CSMD2: variants seen among roughly 807,000 people sequenced by gnomAD.
CSMD2 encodes CUB and Sushi multiple domains 2.
CSMD2 carries 130 observed loss-of-function variants against 398.5 expected under a neutral mutation model. That is an observed-to-expected ratio of 0.33 (90% CI 0.28 to 0.38). The LOEUF is 0.38. Among genes scored for constraint, CSMD2 ranks in the 10% least tolerant of loss-of-function variants. The pLI is 1.00. For missense variants in CSMD2, 3,829 were observed against 4,764.9 expected, an observed-to-expected ratio of 0.80 and a Z score of 5.78; for synonymous variants, 1,828 against 1,908.5, an observed-to-expected ratio of 0.96 and a Z score of 1.10.
chr1:33,705,448 A>G (rs1645743898), intron 22 of CSMD2, among the ~76,000 whole-genome samples: 1 of 152,138 alleles, frequency 6.6e-6, no homozygotes. Context: ...ACTCGTTGAT[A>G]CCAAAGTTTC....
intron 7 of CSMD2, 68 bp downstream of exon 7, chr1:33,825,629 G>T: frequency 7.3e-7 from 1 of 1,363,038 alleles, no homozygotes. Context: ...GCTTCCCCAC[G>T]GTTTAGTGCC....
chr1:33,895,183 TC>T (rs1476843884), intron 5 of CSMD2, among the ~76,000 whole-genome samples: 1 of 152,208 alleles, frequency 6.6e-6, no homozygotes, highest in Admixed American at 6.5e-5. Flanking sequence ...AAATTATTAT[TC>T]CTGATAGCAT....
intron 27 of CSMD2, among the ~76,000 whole-genome samples, chr1:33,652,904 G>A (rs1259991421): frequency 1.3e-5 from 2 of 152,060 alleles, no homozygotes; most frequent in African/African-American, 2.4e-5. Flanking sequence ...ACAGGCGCCC[G>A]CCACCATGCC....
At chr1:33,872,200 T>C (rs1640523641) in intron 5 of CSMD2, among the ~76,000 whole-genome samples, 2 of 152,186 alleles carry the variant, frequency 1.3e-5, no homozygotes, top group Non-Finnish European at 2.9e-5. Context: ...CTTAGTGATC[T>C]AGCTATGGAG....
intron 62 of CSMD2, among the ~76,000 whole-genome samples, chr1:33,536,521 C>T (rs1480894507): frequency 6.6e-6 from 1 of 152,250 alleles, no homozygotes; most frequent in African/African-American, 2.4e-5. Context: ...CCGCACCCGG[C>T]CATCCTTTTC....
At chr1:34,072,654 C>G (rs146715975) in intron 2 of CSMD2, among the ~76,000 whole-genome samples, 2 of 152,196 alleles carry the variant, frequency 1.3e-5, no homozygotes, top group African/African-American at 4.8e-5. Flanking sequence ...TGCTATTAAA[C>G]AGCAGACTTG....
Position 33,759,329 on chromosome 1 carries a change from T to C in CSMD2, c.1846+13240A>G, listed in dbSNP as rs566628430. Among the ~76,000 whole-genome samples, 333 of 139,804 alleles carry C rather than the reference T, an allele frequency of 2.4e-3. 5 individuals are homozygous for C. Among genetic ancestry groups the C allele is most frequent in the Admixed American group, 5.0e-3 (71 of 14,260 alleles). The allele number at this position is 139,804 out of a possible 152,430, so 91.7% of individuals were successfully genotyped here. A position where few individuals can be genotyped will look rare whatever the true frequency, so the allele number is the denominator to read the frequency against. ...AGTTTCTTTTCTTTTTTTTTCTTTT[T>C]TTTTTTTTTTTTTTGAGACAGAGTT... On this transcript the variant is annotated intron_variant, in intron 13 of 70. Coordinates refer to ENST00000373381, the MANE Select transcript of CSMD2 (RefSeq NM_001281956.2).
rs546214172 is a variant in CSMD2 at position 34,163,401 on chromosome 1, G to A, written c.187+1510C>T. On this transcript the variant is annotated intron_variant, in intron 1 of 70. Coordinates refer to ENST00000373381, the MANE Select transcript of CSMD2 (RefSeq NM_001281956.2). The surrounding 1 kb of genome is among the most constrained non-coding windows in gnomAD (Gnocchi z 5.4). The stretch of plus-strand genomic sequence containing the variant: ...TCTTAGCAGAACCTAAGAAAGTCCC[G>A]TCAGCTAGGAATGAGAGAGCCAGAG... Among the ~76,000 whole-genome samples the A allele has an allele frequency of 3.9e-5, 6 of 152,344 alleles. No homozygotes were observed. Among genetic ancestry groups the A allele is most frequent in the African/African-American group, 9.6e-5 (4 of 41,582 alleles).
At chr1:33,736,645 A>G (rs1303759528) in intron 15 of CSMD2, among the ~76,000 whole-genome samples, 1 of 152,178 alleles carries the variant, frequency 6.6e-6, no homozygotes, top group Non-Finnish European at 1.5e-5. Flanking sequence ...TGCAGTTACT[A>G]ATTCCTGAGG....
At chr1:34,072,990 C>G (rs1225176209) in intron 2 of CSMD2, among the ~76,000 whole-genome samples, 1 of 152,138 alleles carries the variant, frequency 6.6e-6, no homozygotes, top group Admixed American at 6.5e-5. Flanking sequence ...CAAGCAGATA[C>G]CAGGGTCCCA....
At chr1:33,664,141 A>C (rs1644232526) in intron 25 of CSMD2, among the ~76,000 whole-genome samples, 1 of 152,212 alleles carries the variant, frequency 6.6e-6, no homozygotes, top group Non-Finnish European at 1.5e-5. Context: ...AAGGCAAACA[A>C]TATACAGATG....
At chr1:33,548,291 T>G (rs1657102104) in intron 56 of CSMD2, among the ~76,000 whole-genome samples, 1 of 152,212 alleles carries the variant, frequency 6.6e-6, no homozygotes, top group Admixed American at 6.5e-5. Context: ...ACTACAGTAT[T>G]GGAGGCTTCT....
intron 25 of CSMD2, among the ~76,000 whole-genome samples, chr1:33,667,321 C>T (rs963560001): frequency 1.3e-5 from 2 of 152,118 alleles, no homozygotes; most frequent in African/African-American, 4.8e-5. Flanking sequence ...CCATAACAAC[C>T]ACTGTGTATA....
At chr1:34,084,228 C>A (rs946855888) in intron 2 of CSMD2, among the ~76,000 whole-genome samples, 1 of 152,166 alleles carries the variant, frequency 6.6e-6, no homozygotes, top group Non-Finnish European at 1.5e-5. Flanking sequence ...CCTGCCAGAA[C>A]CACTTCTCCA....
chr1:33,810,858 A>T lies in CSMD2; in HGVS notation c.1331T>A (p.Met444Lys), dbSNP rs1249363859. 3.1e-6 allele frequency: 5 copies of T among 1,611,660 alleles called. No individual in the cohort carries two copies. The highest frequency in any genetic ancestry group is 4.2e-6 in the Non-Finnish European group (5 of 1,179,112). Residue 444 changes from methionine to lysine, a missense_variant, in exon 10 of 71, where the codon ATG (methionine) becomes AAG (lysine). Physicochemically the swap from Met to Lys is moderately conservative, Grantham distance 95 (BLOSUM62 -1). Coordinates refer to ENST00000373381, the MANE Select transcript of CSMD2 (RefSeq NM_001281956.2). Reference sequence around the variant, plus strand: ...GGGGCCTCGAAGGTGGGCATCACACATGCGGGCTGCAGAGGAGATGAAAGA... The same window carrying T: ...GGGGCCTCGAAGGTGGGCATCACACTTGCGGGCTGCAGAGGAGATGAAAGA... The part of the protein sequence containing the change: ...SDHRPVCRAR[M>K]CDAHLRGPSG...
At chr1:33,819,664 G>C (rs1202195566) in intron 9 of CSMD2, 49 bp downstream of exon 9, 17 of 1,588,294 alleles carry the variant, frequency 1.1e-5, no homozygotes, top group Non-Finnish European at 1.5e-5. Context: ...TCAGCCTCCA[G>C]GCTCAGCCCA....
chr1:33,846,318 G>A (rs1661349170), intron 6 of CSMD2, among the ~76,000 whole-genome samples: 1 of 152,190 alleles, frequency 6.6e-6, no homozygotes, highest in Non-Finnish European at 1.5e-5. Flanking sequence ...TCACAGATTT[G>A]AGCATCAAAG....
intron 22 of CSMD2, among the ~76,000 whole-genome samples, chr1:33,705,203 T>C (rs1411670990): frequency 6.6e-6 from 1 of 152,166 alleles, no homozygotes; most frequent in Non-Finnish European, 1.5e-5. Context: ...AATTAGTAAA[T>C]CAAACTAACA....
intron 1 of CSMD2, among the ~76,000 whole-genome samples, chr1:34,114,830 C>A (rs1661447933): frequency 6.6e-6 from 1 of 152,100 alleles, no homozygotes; most frequent in Admixed American, 6.5e-5. Flanking sequence ...CAAGAGGACA[C>A]AAATAGACAA....
Sources: allele counts gnomAD v4.1 joint callset (sites outside exome capture counted in the v4.1 genomes callset), GRCh38; gene constraint gnomAD v4.1.1; non-coding constraint Gnocchi (gnomAD v3.1); transcripts MANE v1.5; gene names NCBI Gene and HGNC (gene_info 2026-07-23, HGNC 2026-07-21).